Variants in PDLIM1 observed in about 807,000 individuals in gnomAD.
PDLIM1 encodes PDZ and LIM domain protein 1.
A neutral mutation model predicts 35.2 loss-of-function variants in PDLIM1; 25 were observed. The ratio of observed to expected loss-of-function variants is 0.71; its 90% CI spans 0.52 to 0.99. The LOEUF is 0.99. Among genes scored for constraint, PDLIM1 ranks in the 50% least tolerant of loss-of-function variants. The probability of loss-of-function intolerance (pLI) is 0.00; values close to 1 mark genes in which losing one functional copy is unlikely to be tolerated. For missense variants in PDLIM1, 363 were observed against 415.3 expected (o/e 0.87, Z 1.09); for synonymous variants, 152 against 154.0 (o/e 0.99, Z 0.10).
chr10:95,258,394 C>T (rs942556022), intron 4 of PDLIM1, among the ~76,000 whole-genome samples: 2 of 151,934 alleles, frequency 1.3e-5, no homozygotes, highest in Non-Finnish European at 2.9e-5. Flanking sequence ...CCCAGCTACT[C>T]GGGAGGCTGA....
intron 2 of PDLIM1, among the ~76,000 whole-genome samples, chr10:95,270,306 C>T (rs554868708): frequency 1.4e-3 from 209 of 151,222 alleles, no homozygotes; most frequent in African/African-American, 5.0e-3. Context: ...CCCCCACACT[C>T]GATCCACCTG....
In PDLIM1 at chr10:95,247,259, G is replaced by T. The variant is rs767998963; in HGVS notation, c.641C>A (p.Thr214Lys). The T allele has an allele frequency of 9.3e-6, 15 of 1,614,064 alleles. No homozygotes were observed. Among genetic ancestry groups the T allele is most frequent in the African/African-American group, 2.7e-5 (2 of 75,026 alleles). Residue 214 changes from threonine to lysine, a missense_variant, in exon 5 of 7, where the codon ACG becomes AAG. Coordinates refer to ENST00000329399, the MANE Select transcript of PDLIM1 (RefSeq NM_020992.4). ...QELNEPPKQS[T>K]SFLVLQEILE... ...GATTTCCTGCAAAACCAAGAAAGAC[G>T]TGGACTGTTTCGGGGGCTCATTCAA... is the stretch of plus-strand genomic sequence containing the variant.
At chr10:95,252,884 A>C (rs1437798079) in intron 4 of PDLIM1, among the ~76,000 whole-genome samples, 1 of 152,172 alleles carries the variant, frequency 6.6e-6, no homozygotes, top group Non-Finnish European at 1.5e-5. Flanking sequence ...GAAGAGCCTC[A>C]CAAACCTATG....
In PDLIM1 at chr10:95,253,654, C is replaced by G. The variant is rs540934515; in HGVS notation, c.534-6288G>C. Among the ~76,000 whole-genome samples, 719 of 104,140 alleles carry G rather than the reference C, an allele frequency of 6.9e-3. 6 individuals carry two copies. Among genetic ancestry groups the G allele is most frequent in the African/African-American group, 0.024 (698 of 29,010 alleles). 68.3% of individuals were successfully genotyped at this position (104,140 alleles called of 152,430 possible). On this transcript the variant is annotated intron_variant, in intron 4 of 6. Transcript: ENST00000329399. ...CTGGGTGACAAGAGCGAGACTCTGT[C>G]TTAAAAAAAAAAAAAAGAAGGAATC... is the stretch of plus-strand genomic sequence containing the variant.
chr10:95,263,752 A>G (rs2087334351), intron 4 of PDLIM1, 112 bp downstream of exon 4: 1 of 684,290 alleles, frequency 1.5e-6, no homozygotes, highest in South Asian at 1.9e-5. Context: ...CTGCTAATGT[A>G]GTCATTTTTC....
chr10:95,254,054 G>A (rs937621211), intron 4 of PDLIM1, among the ~76,000 whole-genome samples: 1 of 152,004 alleles, frequency 6.6e-6, no homozygotes, highest in African/African-American at 2.4e-5. Flanking sequence ...TAACCCACAG[G>A]AAAGCAGGAA....
In PDLIM1 at chr10:95,290,754, G is replaced by T; in HGVS notation, c.96+66C>A. On this transcript the variant is annotated intron_variant, in intron 1 of 6. Coordinates refer to ENST00000329399, the MANE Select transcript of PDLIM1 (RefSeq NM_020992.4). The surrounding 1 kb of genome is among the most constrained non-coding windows in gnomAD (Gnocchi z 4.7). ...ACTCCGTCCCCGACCGCGCCCGCGG[G>T]GCCCCAGTCTCCGCATATCACCTCC... 8.6e-7 allele frequency: 1 copy of T among 1,163,346 alleles called. No individual in the cohort carries two copies. The highest frequency in any genetic ancestry group is 1.6e-5 in the South Asian group (1 of 61,730). 72.1% of individuals were successfully genotyped at this position (1,163,346 alleles called of 1,614,324 possible). A position where few individuals can be genotyped will look rare whatever the true frequency, so the allele number is the denominator to read the frequency against.
At chr10:95,287,801 G>A (rs916574257) in intron 1 of PDLIM1, among the ~76,000 whole-genome samples, 4 of 151,896 alleles carry the variant, frequency 2.6e-5, no homozygotes, top group East Asian at 1.9e-4. Flanking sequence ...AGCACTAAAC[G>A]AGAATGTGGG....
intron 1 of PDLIM1, among the ~76,000 whole-genome samples, chr10:95,277,693 C>A (rs1044976399): frequency 2.0e-5 from 3 of 151,960 alleles, no homozygotes; most frequent in Non-Finnish European, 4.4e-5. Flanking sequence ...ACAACAATTT[C>A]CACTAATGAA....
intron 1 of PDLIM1, among the ~76,000 whole-genome samples, chr10:95,284,960 G>A (rs1414658652): frequency 6.6e-6 from 1 of 152,182 alleles, no homozygotes; most frequent in Non-Finnish European, 1.5e-5. Context: ...CAGCCATACA[G>A]GAATTACCTT....
intron 5 of PDLIM1, among the ~76,000 whole-genome samples, chr10:95,244,516 C>T (rs2035202888): frequency 6.6e-6 from 1 of 152,224 alleles, no homozygotes; most frequent in African/African-American, 2.4e-5. Flanking sequence ...TGCAGCACTG[C>T]TTTCTGAACC....
chr10:95,288,774 CCTCTT>C (rs1162389236), intron 1 of PDLIM1, among the ~76,000 whole-genome samples: 1 of 152,280 alleles, frequency 6.6e-6, no homozygotes, highest in East Asian at 1.9e-4. Flanking sequence ...GAAAATGTTA[CCTCTT>C]CTGAGTCACT....
intron 5 of PDLIM1, among the ~76,000 whole-genome samples, chr10:95,239,096 A>G (rs11188243): frequency 0.35 from 52,508 of 152,046 alleles, 9,588 homozygotes; most frequent in Middle Eastern, 0.52. Context: ...CAAGCAATGA[A>G]GAAAGGATTC....
intron 3 of PDLIM1, among the ~76,000 whole-genome samples, chr10:95,266,574 G>T (rs2035418678): frequency 6.6e-6 from 1 of 152,148 alleles, no homozygotes; most frequent in Non-Finnish European, 1.5e-5. Flanking sequence ...AGAAGATAAA[G>T]CCTTCTTTAC....
chr10:95,268,762 A>G lies in PDLIM1; in HGVS notation c.333+16T>C, dbSNP rs759004402. ...CTGGGTGGTGAGAGCAGCGGCAACG[A>G]TGAGCAAGAACTTACCTGGGGTTCA... On this transcript the variant is annotated intron_variant, in intron 3 of 6. Transcript: ENST00000329399. The G allele has an allele frequency of 1.3e-5, 21 of 1,557,586 alleles. No individual in the cohort carries two copies. Among genetic ancestry groups the G allele is most frequent in the Non-Finnish European group, 1.8e-5 (20 of 1,128,396 alleles).
intron 2 of PDLIM1, among the ~76,000 whole-genome samples, chr10:95,270,869 G>A (rs899340001): frequency 3.9e-5 from 6 of 152,018 alleles, no homozygotes; most frequent in Middle Eastern, 3.4e-3. Context: ...TCCTGCCTCG[G>A]CCTCCCGAGT....
chr10:95,258,238 C>T (rs916546783), intron 4 of PDLIM1, among the ~76,000 whole-genome samples: 8 of 151,274 alleles, frequency 5.3e-5, no homozygotes, highest in African/African-American at 9.7e-5. Flanking sequence ...GGGATCTCGG[C>T]GGGGACACAG....
At chr10:95,248,062 C>A (rs924771461) in intron 4 of PDLIM1, among the ~76,000 whole-genome samples, 2 of 152,194 alleles carry the variant, frequency 1.3e-5, no homozygotes, top group African/African-American at 4.8e-5. Flanking sequence ...ACAGGCAGAG[C>A]CTGCCTCTTT....
At chr10:95,238,318 C>A (rs1325512046) in intron 6 of PDLIM1, among the ~76,000 whole-genome samples, 1 of 151,616 alleles carries the variant, frequency 6.6e-6, no homozygotes. Flanking sequence ...TTCCAAAAAC[C>A]CCTCCTACTT....
Sources: gnomAD v4.1 joint callset for allele counts (sites outside exome capture counted in the v4.1 genomes callset) on GRCh38, gnomAD v4.1.1 for gene constraint, Gnocchi (gnomAD v3.1) non-coding constraint, MANE v1.5 for transcripts, NCBI Gene and HGNC (gene_info 2026-07-23, HGNC 2026-07-21) for gene names.